Variants in DLGAP1 observed in about 807,000 individuals in gnomAD.
DLGAP1 encodes the protein disks large-associated protein 1.
A neutral mutation model predicts 90.8 loss-of-function variants in DLGAP1; 11 were observed. The observed-to-expected ratio is 0.12, with a 90% CI of 0.08 to 0.20. The LOEUF (loss-of-function observed/expected upper bound fraction) is 0.20. Among genes scored for constraint, DLGAP1 ranks in the 10% least tolerant of loss-of-function variants. The pLI, the probability that DLGAP1 is intolerant of heterozygous loss-of-function variation, is 1.00. For synonymous variants in DLGAP1, 558 were observed against 540.7 expected, an observed-to-expected ratio of 1.03 and a Z score of -0.44; for missense variants, 1,050 against 1,333.8, an observed-to-expected ratio of 0.79 and a Z score of 3.31.
intron 2 of DLGAP1, among the ~76,000 whole-genome samples, chr18:4,039,169 A>T (rs566531124): frequency 2.4e-4 from 36 of 152,332 alleles, no homozygotes; most frequent in African/African-American, 7.9e-4. Context: ...ATGCAAATTA[A>T]TTTTTCTAGA....
intron 7 of DLGAP1, among the ~76,000 whole-genome samples, chr18:3,611,251 C>A (rs1028095708): frequency 6.6e-6 from 1 of 152,098 alleles, no homozygotes; most frequent in Non-Finnish European, 1.5e-5. Context: ...CCCTGATCAC[C>A]CAGCTTACAG....
intron 2 of DLGAP1, among the ~76,000 whole-genome samples, chr18:4,037,528 G>C (rs2074908449): frequency 6.6e-6 from 1 of 152,186 alleles, no homozygotes; most frequent in Non-Finnish European, 1.5e-5. Context: ...TATAATTAAA[G>C]ATGGGAGCCC....
intron 2 of DLGAP1, among the ~76,000 whole-genome samples, chr18:4,126,088 G>A (rs2076229189): frequency 6.6e-6 from 1 of 152,206 alleles, no homozygotes; most frequent in African/African-American, 2.4e-5. Flanking sequence ...ATGGAAGCTT[G>A]CAATTTGAAG....
intron 7 of DLGAP1, chr18:3,656,226 G>C (rs577768113): frequency 1.2e-5 from 10 of 817,614 alleles, no homozygotes; most frequent in Middle Eastern, 4.7e-4. Context: ...TGCTGGCATT[G>C]CAAGAACGTA....
intron 3 of DLGAP1, among the ~76,000 whole-genome samples, chr18:3,922,874 T>G (rs1390920552): frequency 6.6e-6 from 1 of 152,178 alleles, no homozygotes; most frequent in Non-Finnish European, 1.5e-5. Flanking sequence ...GGTTCGTTCC[T>G]GTGATCCCAG....
In DLGAP1 at chr18:4,314,944, A is replaced by G. The variant is rs975823358; in HGVS notation, c.-267+140062T>C. On this transcript the variant is annotated intron_variant, in intron 1 of 12. Transcript: ENST00000315677. ...GCTCCCAGGTTTACCGAGGGACAATATGAGAAACATTTATCTAAAGAATAT... is the reference window on the plus strand; with the variant it reads ...GCTCCCAGGTTTACCGAGGGACAATGTGAGAAACATTTATCTAAAGAATAT... 7.2e-5 allele frequency among the ~76,000 whole-genome samples: 11 copies of G among 152,372 alleles called. No homozygotes were observed. In the East Asian group the frequency reaches 1.7e-3, roughly 24 times the overall value.
At chr18:3,640,689 T>C (rs777520449) in intron 7 of DLGAP1, among the ~76,000 whole-genome samples, 58 of 152,238 alleles carry the variant, frequency 3.8e-4, no homozygotes, top group Admixed American at 8.5e-4. Flanking sequence ...AAAGACGTGA[T>C]GACCAATGCC....
At chr18:3,662,424 G>C (rs186024255) in intron 7 of DLGAP1, among the ~76,000 whole-genome samples, 12 of 152,300 alleles carry the variant, frequency 7.9e-5, no homozygotes, top group Admixed American at 7.2e-4. Flanking sequence ...CTATCTTGAA[G>C]AGAATTGTAG....
chr18:4,145,472 G>A (rs1365900039), intron 2 of DLGAP1, among the ~76,000 whole-genome samples: 3 of 152,136 alleles, frequency 2.0e-5, no homozygotes, highest in Non-Finnish European at 1.5e-5. Context: ...AAATATTCCA[G>A]CAAAACTTTA....
At chr18:4,249,589 ATTTATT>A (rs990320893) in intron 1 of DLGAP1, among the ~76,000 whole-genome samples, 2 of 151,678 alleles carry the variant, frequency 1.3e-5, no homozygotes, top group African/African-American at 4.8e-5. Context: ...TCTCAAGTTT[ATTTATT>A]TTTTTCTTTT....
chr18:3,590,254 C>G (rs558428814), intron 7 of DLGAP1, among the ~76,000 whole-genome samples: 1 of 152,288 alleles, frequency 6.6e-6, no homozygotes, highest in South Asian at 2.1e-4. Context: ...ATGGGGTTGA[C>G]AGAAGCGTGC....
intron 1 of DLGAP1, among the ~76,000 whole-genome samples, chr18:4,205,243 C>A (rs2077698701): frequency 6.6e-6 from 1 of 152,034 alleles, no homozygotes; most frequent in South Asian, 2.1e-4. Flanking sequence ...CAGAAAAAAC[C>A]ACATACAAAC....
chr18:4,308,312 G>C (rs992248581), intron 1 of DLGAP1, among the ~76,000 whole-genome samples: 1 of 152,012 alleles, frequency 6.6e-6, no homozygotes, highest in African/African-American at 2.4e-5. Flanking sequence ...ATTTCTACCA[G>C]GACTTAATAA....
intron 1 of DLGAP1, among the ~76,000 whole-genome samples, chr18:4,287,684 G>C (rs2079734479): frequency 6.6e-6 from 1 of 152,040 alleles, no homozygotes; most frequent in African/African-American, 2.4e-5. Context: ...GGCCTGTCAT[G>C]GGGTGGAGGG....
chr18:3,688,172 A>G (rs569656924), intron 7 of DLGAP1, among the ~76,000 whole-genome samples: 3 of 152,162 alleles, frequency 2.0e-5, no homozygotes, highest in Non-Finnish European at 4.4e-5. Context: ...CGGCCTCCCA[A>G]AGTGCTGGGA....
At chr18:4,144,224 A>C (rs2076543049) in intron 2 of DLGAP1, among the ~76,000 whole-genome samples, 1 of 152,134 alleles carries the variant, frequency 6.6e-6, no homozygotes, top group Non-Finnish European at 1.5e-5. Context: ...ATTTAAGTTT[A>C]TTTAGAACCC....
intron 5 of DLGAP1, chr18:3,770,206 G>A (rs2064459051): frequency 6.6e-6 from 1 of 152,188 alleles, no homozygotes; most frequent in Non-Finnish European, 1.5e-5. Context: ...TTGGAGACAG[G>A]CACTACTATG....
intron 4 of DLGAP1, among the ~76,000 whole-genome samples, chr18:3,873,816 T>C (rs1487510813): frequency 6.6e-6 from 1 of 152,162 alleles, no homozygotes; most frequent in Non-Finnish European, 1.5e-5. Flanking sequence ...ACAGTAACTA[T>C]TCAGAATCCT....
intron 1 of DLGAP1, among the ~76,000 whole-genome samples, chr18:4,180,151 T>A (rs924044077): frequency 9.9e-5 from 15 of 152,274 alleles, no homozygotes; most frequent in African/African-American, 3.1e-4. Context: ...CTTTTCATAA[T>A]ACGACTCTCT....
Sources: gnomAD v4.1 joint callset for allele counts (sites outside exome capture counted in the v4.1 genomes callset) on GRCh38, gnomAD v4.1.1 for gene constraint, MANE v1.5 for transcripts, NCBI Gene and HGNC (gene_info 2026-07-23, HGNC 2026-07-21) for gene names.